The following NPTN variants were observed in gnomAD, a reference collection of about 807,000 sequenced individuals.
The protein encoded by NPTN is SDR-1.
Under a neutral mutation model 42.7 loss-of-function variants are expected in NPTN, and 5 were observed. The observed-to-expected ratio is 0.12, with a 90% confidence interval of 0.06 to 0.25. The LOEUF (loss-of-function observed/expected upper bound fraction) is 0.25, where lower values mean the gene tolerates loss of function less well. Among genes scored for constraint, NPTN ranks in the 10% least tolerant of loss-of-function variants. The pLI, the probability that NPTN is intolerant of heterozygous loss-of-function variation, is 1.00. For synonymous variants in NPTN, 180 were observed against 201.9 expected (o/e 0.89, Z 0.92); for missense variants, 307 against 525.4 (o/e 0.58, Z 4.06).
chr15:73,620,067 A>C (rs1452170661), intron 1 of NPTN, among the ~76,000 whole-genome samples: 1 of 152,218 alleles, frequency 6.6e-6, no homozygotes, highest in African/African-American at 2.4e-5. Flanking sequence ...AAAATTCATA[A>C]TATAATCCTT....
rs1273793123 is a variant in NPTN, at chr15:73,560,079, C to CAATAAT, written c.*978_*983dup. 4 of 562,320 alleles carry CAATAAT rather than the reference C, an allele frequency of 7.1e-6. No individual in the cohort carries two copies. The highest frequency in any genetic ancestry group is 1.2e-5 in the Non-Finnish European group (4 of 340,914). The allele number at this position is 562,320 out of a possible 1,614,324, so 34.8% of individuals were successfully genotyped here. ...CACTTTTTTATACATCATTGCACTT[C>CAATAAT]AATAATTACACAAAACACACAAGTA... On this transcript the variant is annotated 3_prime_UTR_variant, in exon 9 of 9. Transcript: ENST00000345330.
At chr15:73,629,607 A>G (rs1898621895) in intron 1 of NPTN, among the ~76,000 whole-genome samples, 2 of 152,190 alleles carry the variant, frequency 1.3e-5, no homozygotes, top group African/African-American at 2.4e-5. Context: ...GTCGTTAAAA[A>G]TAAGATTCAT....
chr15:73,612,023 A>T (rs1566984924), intron 1 of NPTN, among the ~76,000 whole-genome samples: 2 of 152,132 alleles, frequency 1.3e-5, no homozygotes, highest in African/African-American at 4.8e-5. Flanking sequence ...GGAATTTTTT[A>T]AATGATACAT....
intron 1 of NPTN, among the ~76,000 whole-genome samples, chr15:73,610,572 G>A (rs1218802038): frequency 2.0e-5 from 3 of 152,110 alleles, no homozygotes; most frequent in Non-Finnish European, 2.9e-5. Context: ...GAAAACAAGC[G>A]GAATCTCAGC....
intron 5 of NPTN, among the ~76,000 whole-genome samples, chr15:73,573,240 A>G (rs537125650): frequency 2.6e-5 from 4 of 152,254 alleles, no homozygotes; most frequent in African/African-American, 9.6e-5. Flanking sequence ...ATAAAACTCA[A>G]AGCAGGCCAG....
At position 73,569,253 on chromosome 15, in the gene NPTN, G is replaced by A. The variant is rs1895229042; in HGVS notation, c.1114+897C>T. ...GAGCCAGCTGGGAACCTGAAGTACT[G>A]CAGATACAAGTCTCCATCAGCAGCT... is the stretch of plus-strand genomic sequence containing the variant. On this transcript the variant is annotated intron_variant, in intron 6 of 8. Coordinates refer to ENST00000345330, the MANE Select transcript of NPTN (RefSeq NM_012428.4). The surrounding 1 kb of genome is among the most constrained non-coding windows in gnomAD (Gnocchi z 4.1). 6 of 985,404 alleles carry A rather than the reference G, an allele frequency of 6.1e-6. No homozygotes were observed. The highest frequency in any genetic ancestry group is 6.1e-5 in the Admixed American group (1 of 16,266). 61.0% of individuals were successfully genotyped at this position (985,404 alleles called of 1,614,324 possible).
rs541632573 is a variant in NPTN, at chr15:73,562,915, A to G, written c.1136+321T>C. Among the ~76,000 whole-genome samples the G allele has an allele frequency of 2.0e-5, 3 of 152,260 alleles. No individual in the cohort carries two copies. The South Asian group carries it at 6.2e-4, about 32-fold the overall frequency. ...TGCTTGGGATCAGAAACGTTTTAAC[A>G]TTGACAAAACCGGGAGCCTCAGATA... On this transcript the variant is annotated intron_variant, in intron 7 of 8. Coordinates refer to ENST00000345330, the MANE Select transcript of NPTN (RefSeq NM_012428.4).
chr15:73,608,647 G>A (rs1897403113), intron 1 of NPTN, among the ~76,000 whole-genome samples: 2 of 135,306 alleles, frequency 1.5e-5, no homozygotes, highest in South Asian at 4.5e-4. Flanking sequence ...TCTTTCCATA[G>A]AACAAGGGGT....
intron 1 of NPTN, among the ~76,000 whole-genome samples, chr15:73,618,992 G>A (rs540972958): frequency 6.6e-5 from 10 of 150,412 alleles, no homozygotes; most frequent in Admixed American, 1.3e-4. Flanking sequence ...CTGGGAAGTC[G>A]AGGCTGCAGT....
chr15:73,600,117 G>T (rs1897016576), intron 1 of NPTN, among the ~76,000 whole-genome samples: 1 of 152,156 alleles, frequency 6.6e-6, no homozygotes, highest in South Asian at 2.1e-4. Context: ...CACACAACTG[G>T]GCGAGTCACT....
intron 1 of NPTN, among the ~76,000 whole-genome samples, chr15:73,600,060 C>G (rs1184431918): frequency 1.3e-5 from 2 of 152,160 alleles, no homozygotes; most frequent in Non-Finnish European, 2.9e-5. Context: ...CCTAATAACA[C>G]ACAAGTCACA....
intron 6 of NPTN, chr15:73,567,430 C>A: frequency 1.0e-6 from 1 of 985,344 alleles, no homozygotes. Flanking sequence ...AAGTTTGTGT[C>A]AAATATAATG....
At chr15:73,594,951 TAAAAA>T (rs770131038) in intron 2 of NPTN, among the ~76,000 whole-genome samples, 1 of 128,894 alleles carries the variant, frequency 7.8e-6, no homozygotes, top group Non-Finnish European at 1.7e-5. Context: ...CAGGGTGTTT[TAAAAA>T]AAAAAAAAAA....
chr15:73,607,694 T>C (rs143194420), intron 1 of NPTN, among the ~76,000 whole-genome samples: 42 of 152,316 alleles, frequency 2.8e-4, no homozygotes, highest in African/African-American at 9.9e-4. Context: ...AAAGCATAAA[T>C]AGCTTATAGC....
At chr15:73,626,292 C>T (rs1898404343) in intron 1 of NPTN, among the ~76,000 whole-genome samples, 1 of 152,234 alleles carries the variant, frequency 6.6e-6, no homozygotes, top group South Asian at 2.1e-4. Context: ...GCATAACAGA[C>T]ACGGTTCTGC....
At chr15:73,563,623 A>G in intron 6 of NPTN, 1 of 1,029,786 alleles carries the variant, frequency 9.7e-7, no homozygotes, top group African/African-American at 1.7e-5. Flanking sequence ...TTCAGTTGTA[A>G]AATCCTGCTG....
At chr15:73,617,397 T>A (rs1364910591) in intron 1 of NPTN, among the ~76,000 whole-genome samples, 1 of 152,220 alleles carries the variant, frequency 6.6e-6, no homozygotes, top group Non-Finnish European at 1.5e-5. Context: ...TAATTCAGTA[T>A]CAAAATGTTG....
intron 1 of NPTN, among the ~76,000 whole-genome samples, chr15:73,611,435 G>A (rs541694478): frequency 6.6e-6 from 1 of 152,160 alleles, no homozygotes; most frequent in East Asian, 1.9e-4. Context: ...AAACTCTCAA[G>A]CCATGAAAAG....
chr15:73,567,689 T>C, intron 6 of NPTN: 4 of 985,224 alleles, frequency 4.1e-6, no homozygotes, highest in Non-Finnish European at 4.8e-6. Flanking sequence ...GGAAGCAGGA[T>C]GGAGTTTGAG....
Sources: gnomAD v4.1 joint callset for allele counts (sites outside exome capture counted in the v4.1 genomes callset) on GRCh38, gnomAD v4.1.1 for gene constraint, Gnocchi (gnomAD v3.1) non-coding constraint, MANE v1.5 for transcripts, NCBI Gene and HGNC (gene_info 2026-07-23, HGNC 2026-07-21) for gene names.